Variants in TSPAN1 observed in about 807,000 individuals in gnomAD.
The protein encoded by TSPAN1 is tetraspanin-1.
Under a neutral mutation model 26.9 loss-of-function variants are expected in TSPAN1, and 23 were observed. The observed-to-expected ratio is 0.85, with a 90% CI of 0.62 to 1.21. The LOEUF is 1.21. TSPAN1 is among the 50% of genes most tolerant of loss of function. The probability of loss-of-function intolerance (pLI) is 0.00; values close to 1 mark genes in which losing one functional copy is unlikely to be tolerated. For synonymous variants in TSPAN1, 115 were observed against 114.8 expected, an observed-to-expected ratio of 1.00 and a Z score of -0.01; for missense variants, 283 against 298.4, an observed-to-expected ratio of 0.95 and a Z score of 0.38.
chr1:46,181,394 G>A (rs1325713027), intron 3 of TSPAN1, among the ~76,000 whole-genome samples: 1 of 152,174 alleles, frequency 6.6e-6, no homozygotes, highest in Admixed American at 6.5e-5. Context: ...GAAGCTAGGG[G>A]CACCCCCTCT....
At chr1:46,179,596 T>C (rs1557664020) in intron 1 of TSPAN1, among the ~76,000 whole-genome samples, 1 of 152,022 alleles carries the variant, frequency 6.6e-6, no homozygotes, top group Non-Finnish European at 1.5e-5. Context: ...CCAGGACTTT[T>C]CCCCCGCACC....
intron 1 of TSPAN1, among the ~76,000 whole-genome samples, chr1:46,177,145 G>C (rs1046062378): frequency 6.6e-6 from 1 of 152,116 alleles, no homozygotes; most frequent in African/African-American, 2.4e-5. Flanking sequence ...GACTAGCCTG[G>C]TTAACATGGC....
intron 1 of TSPAN1, chr1:46,175,784 C>T (rs946476267): frequency 7.4e-6 from 3 of 405,758 alleles, no homozygotes; most frequent in African/African-American, 2.1e-5. Context: ...CATCAGGAGT[C>T]CCCCATATAT....
chr1:46,188,646 A>G, downstream of TSPAN1: 2 of 1,544,918 alleles, frequency 1.3e-6, no homozygotes, highest in South Asian at 1.3e-5. Context: ...TCCCTCCAGC[A>G]CCCCCCTGAC....
At chr1:46,194,235 G>T in the TSPAN1 span, 1 of 1,614,112 alleles carries the variant, frequency 6.2e-7, no homozygotes, top group Non-Finnish European at 8.5e-7. Context: ...GCTGAGCTGG[G>T]AAGGAGTCCA....
chr1:46,195,901 C>T, the TSPAN1 span: 13 of 1,613,876 alleles, frequency 8.1e-6, no homozygotes, highest in Admixed American at 3.3e-5. Context: ...ACGTGTCAAA[C>T]ACACGTTTTG....
chr1:46,175,832 G>C, intron 1 of TSPAN1: 1 of 441,254 alleles, frequency 2.3e-6, no homozygotes, highest in East Asian at 3.4e-5. Context: ...CCTTTGGCGT[G>C]CCTAAACAGA....
At chr1:46,193,555 C>A in the TSPAN1 span, 1 of 1,614,198 alleles carries the variant, frequency 6.2e-7, no homozygotes, top group Non-Finnish European at 8.5e-7. Context: ...CCCCCCAAGT[C>A]CTGCTCACCT....
At chr1:46,186,492 T>C (rs950461861), downstream of TSPAN1, among the ~76,000 whole-genome samples, 9 of 147,770 alleles carry the variant, frequency 6.1e-5, no homozygotes, top group African/African-American at 9.9e-5. Flanking sequence ...TCTTTTCTTT[T>C]TTTTTTTTTT....
At chr1:46,193,148 C>T in the TSPAN1 span, 1 of 1,613,910 alleles carries the variant, frequency 6.2e-7, no homozygotes, top group Non-Finnish European at 8.5e-7. Context: ...CCTCCCAGGC[C>T]CAAGAGTTGT....
rs1484613179 is a variant in TSPAN1, at chr1:46,185,286, C to G, written c.656C>G (p.Ala219Gly). 1 of 1,614,132 alleles carries G rather than the reference C, an allele frequency of 6.2e-7. No homozygotes were observed. The highest frequency in any genetic ancestry group is 8.5e-7 in the Non-Finnish European group (1 of 1,180,028). Residue 219 changes from alanine (A) to glycine (G), a missense_variant, in exon 8 of 9, where the codon GCA (alanine) becomes GGA (glycine). Coordinates refer to ENST00000372003, the MANE Select transcript of TSPAN1 (RefSeq NM_005727.4). ...AATGCAGTCACCGTGGGTGGTGTGG[C>G]AGCTGGAATTGGGGGCCTCGAGGTA... ...RTNAVTVGGV[A>G]AGIGGLELAA...
In TSPAN1 at chr1:46,181,090, T is replaced by A. The variant is rs1334425821; in HGVS notation, c.-8-10T>A. ...AACAAGGCCCTAACTTGCACATGTC[T>A]ACCTCCCAGGAGCCACCATGCAGTG... On this transcript the variant is annotated splice_polypyrimidine_tract_variant and intron_variant, in intron 2 of 8. Transcript: ENST00000372003. 5 of 1,613,624 alleles carry A rather than the reference T, an allele frequency of 3.1e-6. No individual in the cohort carries two copies. The highest frequency in any genetic ancestry group is 4.2e-6 in the Non-Finnish European group (5 of 1,179,754).
intron 1 of TSPAN1, among the ~76,000 whole-genome samples, chr1:46,176,713 C>G (rs1657180749): frequency 6.6e-6 from 1 of 152,270 alleles, no homozygotes; most frequent in Non-Finnish European, 1.5e-5. Context: ...AGGCGGAACT[C>G]ACTTCCTCAC....
chr1:46,193,749 G>A, the TSPAN1 span: 52 of 1,596,944 alleles, frequency 3.3e-5, no homozygotes, highest in African/African-American at 6.7e-5. Context: ...AGGTGAATGC[G>A]TCTAGAATCT....
chr1:46,179,278 A>C, intron 1 of TSPAN1, among the ~76,000 whole-genome samples: 1 of 148,438 alleles, frequency 6.7e-6, no homozygotes, highest in African/African-American at 2.5e-5. Flanking sequence ...TTGCCACTAC[A>C]CTCCAACCTG....
intron 3 of TSPAN1, chr1:46,183,382 C>T (rs1214007099): frequency 5.9e-5 from 9 of 152,418 alleles, no homozygotes; most frequent in South Asian, 2.1e-4. Context: ...CCCGTTCTAG[C>T]CTCAGTTTTT....
downstream of TSPAN1, among the ~76,000 whole-genome samples, chr1:46,186,772 C>T (rs1244253359): frequency 6.6e-6 from 1 of 151,038 alleles, no homozygotes; most frequent in Non-Finnish European, 1.5e-5. Context: ...ACGCCATTCT[C>T]CTGCCTCAGC....
intron 2 of TSPAN1, among the ~76,000 whole-genome samples, chr1:46,180,882 T>G (rs1217970381): frequency 6.6e-6 from 1 of 151,918 alleles, no homozygotes; most frequent in African/African-American, 2.4e-5. Context: ...TCTCAGAGTG[T>G]CAGGTGCTGG....
downstream of TSPAN1, chr1:46,189,695 T>C (rs946241366): frequency 2.6e-6 from 4 of 1,548,372 alleles, no homozygotes; most frequent in African/African-American, 2.7e-5. Context: ...TAGCATCTTT[T>C]AGAATATGAA....
Sources: allele counts gnomAD v4.1 joint callset (sites outside exome capture counted in the v4.1 genomes callset), GRCh38; gene constraint gnomAD v4.1.1; transcripts MANE v1.5; gene names NCBI Gene and HGNC (gene_info 2026-07-23, HGNC 2026-07-21).